The following ANGPTL4 variants were observed in gnomAD, a reference collection of about 807,000 sequenced individuals.
ANGPTL4 encodes the protein angiopoietin like 4.
In ANGPTL4, 39 loss-of-function variants were observed where a neutral mutation model predicts 39.2. The ratio of observed to expected loss-of-function variants is 1.00; its 90% CI spans 0.77 to 1.30. The LOEUF is 1.30. ANGPTL4 is among the 50% of genes most tolerant of loss of function. ANGPTL4 has a pLI of 0.00. For synonymous variants in ANGPTL4, 233 were observed against 229.5 expected, an observed-to-expected ratio of 1.02 and a Z score of -0.14; for missense variants, 545 against 549.8, an observed-to-expected ratio of 0.99 and a Z score of 0.09.
chr19:8,369,381 G>A, intron 4 of ANGPTL4, 49 bp downstream of exon 4: 1 of 1,379,444 alleles, frequency 7.2e-7, no homozygotes, highest in Non-Finnish European at 1.0e-6. Flanking sequence ...AGGCCCTGTT[G>A]TCTTTCTTTA....
Position 8,371,368 on chromosome 19 carries a change from C to T in ANGPTL4, c.885C>T (p.Gly295=), listed in dbSNP as rs764437255. The T allele has an allele frequency of 3.7e-6, 6 of 1,613,586 alleles. No individual in the cohort carries two copies. The highest frequency in any genetic ancestry group is 3.3e-5 in the South Asian group (3 of 91,086). Residue 295 remains glycine, a synonymous_variant, in exon 6 of 7, where the codon GGC becomes GGT. Coordinates refer to ENST00000301455, the MANE Select transcript of ANGPTL4 (RefSeq NM_139314.3). This position sits in a 1 kb window ranked among gnomAD's most constrained non-coding sequence, Gnocchi z 5.1. ...TGCAGTTCTCCGTGCACCTGGGTGGCGAGGACACGGCCTATAGCCTGCAGC... is the reference window on the plus strand; with the variant it reads ...TGCAGTTCTCCGTGCACCTGGGTGGTGAGGACACGGCCTATAGCCTGCAGC... ...ELLQFSVHLG[G]EDTAYSLQLT...
intron 6 of ANGPTL4, among the ~76,000 whole-genome samples, chr19:8,373,201 T>A (rs1034995822): frequency 1.3e-5 from 2 of 151,746 alleles, no homozygotes; most frequent in African/African-American, 4.8e-5. Context: ...GGTAAGGAGT[T>A]TGAGACCAAC....
chr19:8,364,770 G>A, intron 1 of ANGPTL4, 131 bp downstream of exon 1: 1 of 1,179,738 alleles, frequency 8.5e-7, no homozygotes, highest in Non-Finnish European at 1.2e-6. Flanking sequence ...TCAAGGGATG[G>A]GCTCCCCCCT....
chr19:8,367,023 C>G (rs185991068), intron 3 of ANGPTL4, among the ~76,000 whole-genome samples: 1 of 152,026 alleles, frequency 6.6e-6, no homozygotes, highest in African/African-American at 2.4e-5. Flanking sequence ...TCTAAGTTCA[C>G]GGCCCCACAC....
intron 3 of ANGPTL4, 73 bp downstream of exon 3, chr19:8,366,392 T>C: frequency 6.7e-7 from 1 of 1,491,224 alleles, no homozygotes; most frequent in South Asian, 1.1e-5. Context: ...GTCCTCTCCT[T>C]GTCAGGTCCA....
intron 3 of ANGPTL4, 123 bp downstream of exon 3, chr19:8,366,442 C>G: frequency 9.2e-7 from 1 of 1,089,580 alleles, no homozygotes; most frequent in Non-Finnish European, 1.4e-6. Context: ...TCCCTGAGGG[C>G]TCACCAGTCT....
In ANGPTL4 at chr19:8,374,113, C is replaced by T. The variant is rs149848228; in HGVS notation, c.*227C>T. 12 of 557,690 alleles carry T rather than the reference C, an allele frequency of 2.2e-5. No homozygotes were observed. Among genetic ancestry groups the T allele is most frequent in the African/African-American group, 1.3e-4 (7 of 53,014 alleles). 34.5% of individuals were successfully genotyped at this position (557,690 alleles called of 1,614,324 possible). A position where few individuals can be genotyped will look rare whatever the true frequency, so the allele number is the denominator to read the frequency against. On this transcript the variant is annotated 3_prime_UTR_variant, in exon 7 of 7. Transcript: ENST00000301455. The stretch of plus-strand genomic sequence containing the variant: ...GCAGGATATGCTCAGACTCTAGAGG[C>T]GTGGACCAAGGGGCATGGAGCTTCA...
rs1359611278 is a variant in ANGPTL4 at position 8,371,136 on chromosome 19, T to A, written c.742T>A (p.Phe248Ile). The A allele has an allele frequency of 1.2e-6, 2 of 1,613,134 alleles. No homozygotes were observed. The highest frequency in any genetic ancestry group is 1.3e-5 in the African/African-American group (1 of 74,830). ...GCCCTGGGAAGCCTACAAGGCGGGG[T>A]TTGGGGATCCCCACGGTAGGTGTTT... is the stretch of plus-strand genomic sequence containing the variant. ...NRPWEAYKAG[F>I]GDPHGEFWLG... The change falls in exon 5 of 7, where the codon TTT becomes ATT. Residue 248 changes from phenylalanine to isoleucine, a missense_variant. Transcript: ENST00000301455. The surrounding 1 kb of genome is among the most constrained non-coding windows in gnomAD (Gnocchi z 5.1).
rs773466374 is a variant in ANGPTL4, at chr19:8,372,850, G to C, written c.1040-855G>C. Among the ~76,000 whole-genome samples, 41 of 152,282 alleles carry C rather than the reference G, an allele frequency of 2.7e-4. 1 individual carries two copies. Among genetic ancestry groups the C allele is most frequent in the Admixed American group, 2.0e-4 (3 of 15,296 alleles). The stretch of plus-strand genomic sequence containing the variant: ...CTCACACCTGTGGTCCCAGCTACTT[G>C]GGAGGCCCAGGTACAAGAATCACTT... On this transcript the variant is annotated intron_variant, in intron 6 of 6. Coordinates refer to ENST00000301455, the MANE Select transcript of ANGPTL4 (RefSeq NM_139314.3).
Position 8,371,495 on chromosome 19 carries a change from G to A in ANGPTL4, c.1012G>A (p.Asp338Asn). ...GGACCAGGATCACGACCTCCGCAGG[G>A]ACAAGAACTGCGCCAAGAGCCTCTC... ...TWDQDHDLRR[D>N]KNCAKSLSGG... The change falls in exon 6 of 7, where the codon GAC becomes AAC. Residue 338 changes from aspartate (D) to asparagine (N), a missense_variant. Physicochemically the swap from Asp to Asn is conservative, Grantham distance 23 (BLOSUM62 1). Transcript: ENST00000301455. The surrounding 1 kb of genome is among the most constrained non-coding windows in gnomAD (Gnocchi z 5.1). 1.2e-6 allele frequency: 2 copies of A among 1,613,080 alleles called. No homozygotes were observed. Among genetic ancestry groups the A allele is most frequent in the Non-Finnish European group, 1.7e-6 (2 of 1,180,032 alleles).
At chr19:8,369,361 C>T (rs776402882) in intron 4 of ANGPTL4, 29 bp downstream of exon 4, 1 of 1,534,312 alleles carries the variant, frequency 6.5e-7, no homozygotes, top group Non-Finnish European at 9.0e-7. Flanking sequence ...CCAGGGGCCC[C>T]TCTCCCCATA....
At chr19:8,372,092 G>A (rs1486707155) in intron 6 of ANGPTL4, among the ~76,000 whole-genome samples, 1 of 149,702 alleles carries the variant, frequency 6.7e-6, no homozygotes, top group African/African-American at 2.5e-5. Context: ...GTCCCGCTGT[G>A]TCTCCCAGGC....
rs767192627 is a variant in ANGPTL4 at position 8,365,123 on chromosome 19, C to A, written c.318+484C>A. Among the ~76,000 whole-genome samples the A allele has an allele frequency of 1.1e-3, 155 of 146,010 alleles. No homozygotes were observed. In the Middle Eastern group the frequency reaches 0.019, roughly 18 times the overall value. On this transcript the variant is annotated intron_variant, in intron 1 of 6. Coordinates refer to ENST00000301455, the MANE Select transcript of ANGPTL4 (RefSeq NM_139314.3). The stretch of plus-strand genomic sequence containing the variant: ...GGCAGAGGTTGCAGTGAGCCGAGAT[C>A]GCAGCACTGCACTCCAGCCTGGGCA...
intron 6 of ANGPTL4, among the ~76,000 whole-genome samples, chr19:8,373,266 G>T (rs188791711): frequency 2.0e-5 from 3 of 152,094 alleles, no homozygotes; most frequent in Non-Finnish European, 2.9e-5. Context: ...CTAGCCAGGC[G>T]TGGTGGCGGG....
chr19:8,364,261 C>G lies in ANGPTL4; in HGVS notation c.-61C>G. On this transcript the variant is annotated 5_prime_UTR_variant, in exon 1 of 7. Transcript: ENST00000301455. ...CGGTCCTCCGCGTCTCCAGTCCTCG[C>G]ACCTGGAACCCCAACGTCCCCGAGA... is the stretch of plus-strand genomic sequence containing the variant. 1 of 1,493,608 alleles carries G rather than the reference C, an allele frequency of 6.7e-7. No individual in the cohort carries two copies. Among genetic ancestry groups the G allele is most frequent in the Non-Finnish European group, 8.9e-7 (1 of 1,118,378 alleles). 92.5% of individuals were successfully genotyped at this position (1,493,608 alleles called of 1,614,324 possible).
chr19:8,364,607 C>A lies in ANGPTL4; in HGVS notation c.286C>A (p.Arg96=), dbSNP rs761926858. Residue 96 remains arginine (R), a synonymous_variant, in exon 1 of 7, where the codon CGG becomes AGG. Coordinates refer to ENST00000301455, the MANE Select transcript of ANGPTL4 (RefSeq NM_139314.3). ...STDLPLAPES[R]VDPEVLHSLQ... is the part of the protein sequence containing the mutation. ...CGACCTCCCGTTAGCCCCTGAGAGC[C>A]GGGTGGACCCTGAGGTCCTTCACAG... 1 of 1,592,538 alleles carries A rather than the reference C, an allele frequency of 6.3e-7. No individual in the cohort carries two copies. Among genetic ancestry groups the A allele is most frequent in the Admixed American group, 1.7e-5 (1 of 57,240 alleles).
chr19:8,369,299 C>T lies in ANGPTL4; in HGVS notation c.628C>T (p.Pro210Ser). 1 of 1,612,304 alleles carries T rather than the reference C, an allele frequency of 6.2e-7. No individual in the cohort carries two copies. The highest frequency in any genetic ancestry group is 1.1e-5 in the South Asian group (1 of 90,364). Residue 210 changes from proline to serine, a missense_variant, in exon 4 of 7, where the codon CCG (proline) becomes TCG (serine). Physicochemically the swap from Pro to Ser is moderately conservative, Grantham distance 74. Transcript: ENST00000301455. ...ATTTGAAATCCAGCCTCAGGGGTCT[C>T]CGCCATTTTTGGTGAACTGCAAGAT... The part of the protein sequence containing the change: ...GLFEIQPQGS[P>S]PFLVNCKMTS...
At position 8,371,191 on chromosome 19, in the gene ANGPTL4, G is replaced by A. The variant is rs773454416; in HGVS notation, c.757+40G>A. 6.2e-7 allele frequency: 1 copy of A among 1,614,092 alleles called. No homozygotes were observed. The highest frequency in any genetic ancestry group is 1.1e-5 in the South Asian group (1 of 91,076). On this transcript the variant is annotated intron_variant, in intron 5 of 6. Transcript: ENST00000301455. This position sits in a 1 kb window ranked among gnomAD's most constrained non-coding sequence, Gnocchi z 5.1. The stretch of plus-strand genomic sequence containing the variant: ...TGGGGACAGAGGCAGGGGAGGAAGA[G>A]GGACCCTCAGAAGTGGCCCTGCCTC...
intron 6 of ANGPTL4, among the ~76,000 whole-genome samples, chr19:8,372,787 C>T (rs1454254061): frequency 6.6e-6 from 1 of 151,174 alleles, no homozygotes; most frequent in Non-Finnish European, 1.5e-5. Flanking sequence ...AGTGAGACCC[C>T]TGCCTCAAAA....
Sources: gnomAD v4.1 joint callset for allele counts (sites outside exome capture counted in the v4.1 genomes callset) on GRCh38, gnomAD v4.1.1 for gene constraint, Gnocchi (gnomAD v3.1) non-coding constraint, MANE v1.5 for transcripts, NCBI Gene and HGNC (gene_info 2026-07-23, HGNC 2026-07-21) for gene names.